Variants in VPS13A observed in about 807,000 individuals in gnomAD.
VPS13A encodes intermembrane lipid transfer protein VPS13A.
In VPS13A, 264 loss-of-function variants were observed where a neutral mutation model predicts 390.9. The ratio of observed to expected loss-of-function variants is 0.68; its 90% CI spans 0.61 to 0.75. The LOEUF (loss-of-function observed/expected upper bound fraction) is 0.75, where lower values mean the gene tolerates loss of function less well. VPS13A is among the 30% of genes least tolerant of loss of function. The probability of loss-of-function intolerance (pLI) is 0.00; values close to 1 mark genes in which losing one functional copy is unlikely to be tolerated. For missense variants in VPS13A, 3,409 were observed against 3,733.9 expected (o/e 0.91, Z 2.27); for synonymous variants, 1,231 against 1,227.1 (o/e 1.00, Z -0.07).
intron 22 of VPS13A, 121 bp from the exon 23 acceptor site, chr9:77,259,965 A>G: frequency 2.8e-6 from 2 of 723,912 alleles, no homozygotes. Flanking sequence ...AAATTGGAAT[A>G]GAGATTTTTA....
chr9:77,324,380 T>C (rs1017881592), intron 45 of VPS13A, among the ~76,000 whole-genome samples: 1 of 152,192 alleles, frequency 6.6e-6, no homozygotes, highest in Non-Finnish European at 1.5e-5. Flanking sequence ...ACATGATTTG[T>C]GTTGTTTTGT....
intron 68 of VPS13A, among the ~76,000 whole-genome samples, chr9:77,399,497 G>A (rs930943138): frequency 4.6e-5 from 7 of 151,446 alleles, no homozygotes; most frequent in Non-Finnish European, 1.0e-4. Flanking sequence ...ATAAAAGTTA[G>A]GTACTTGGAA....
intron 34 of VPS13A, among the ~76,000 whole-genome samples, chr9:77,304,940 TTC>T (rs1828631345): frequency 6.7e-6 from 1 of 149,610 alleles, no homozygotes; most frequent in Non-Finnish European, 1.5e-5. Context: ...CAGACTTTTT[TTC>T]TTTTTTTTTT....
intron 5 of VPS13A, among the ~76,000 whole-genome samples, chr9:77,208,329 G>A (rs1418321212): frequency 6.6e-6 from 1 of 151,918 alleles, no homozygotes; most frequent in African/African-American, 2.4e-5. Flanking sequence ...AGGCCTCCTG[G>A]GCCAGCTGAA....
chr9:77,287,790 G>A (rs1827418904), intron 31 of VPS13A, among the ~76,000 whole-genome samples: 1 of 152,170 alleles, frequency 6.6e-6, no homozygotes, highest in African/African-American at 2.4e-5. Context: ...GAAGGTGCTT[G>A]CTATATTCTG....
intron 46 of VPS13A, among the ~76,000 whole-genome samples, chr9:77,333,242 T>C (rs1382515667): frequency 6.6e-6 from 1 of 152,166 alleles, no homozygotes. Context: ...TCTCTGTCCA[T>C]AGTAGAGAAA....
chr9:77,305,315 A>G (rs1009733104), intron 34 of VPS13A, among the ~76,000 whole-genome samples: 1 of 152,252 alleles, frequency 6.6e-6, no homozygotes, highest in African/African-American at 2.4e-5. Context: ...AGTGTGTAAG[A>G]TAATAATGGC....
At chr9:77,337,932 T>C (rs1019588494) in intron 47 of VPS13A, 1 of 163,068 alleles carries the variant, frequency 6.1e-6, no homozygotes, top group African/African-American at 2.4e-5. Flanking sequence ...TTCTTCATTG[T>C]CATCTATTAT....
rs1393732998 is a variant in VPS13A at position 77,418,123 on chromosome 9, T to C, written c.*2117T>C. The stretch of plus-strand genomic sequence containing the variant: ...TTTTTGTTTGATTCTGTAGCCCATT[T>C]TTCTTGAAGGTTAGAATAAGAATCT... On this transcript the variant is annotated 3_prime_UTR_variant, in exon 72 of 72. Coordinates refer to ENST00000360280, the MANE Select transcript of VPS13A (RefSeq NM_033305.3). 1 of 152,220 alleles carries C rather than the reference T, an allele frequency of 6.6e-6. No homozygotes were observed. Among genetic ancestry groups the C allele is most frequent in the African/African-American group, 2.4e-5 (1 of 41,458 alleles). 9.4% of individuals were successfully genotyped at this position (152,220 alleles called of 1,614,324 possible).
At chr9:77,257,931 CTT>C (rs1298519856) in intron 22 of VPS13A, among the ~76,000 whole-genome samples, 3 of 152,042 alleles carry the variant, frequency 2.0e-5, no homozygotes, top group African/African-American at 7.2e-5. Context: ...TGTCTTTTAA[CTT>C]ATGTAGAAAA....
At chr9:77,377,355 G>T (rs1833157116) in intron 67 of VPS13A, among the ~76,000 whole-genome samples, 1 of 151,546 alleles carries the variant, frequency 6.6e-6, no homozygotes. Flanking sequence ...AAGTAGCTGG[G>T]ACTACAGGCG....
At chr9:77,258,147 T>C (rs1825554530) in intron 22 of VPS13A, among the ~76,000 whole-genome samples, 1 of 152,190 alleles carries the variant, frequency 6.6e-6, no homozygotes, top group African/African-American at 2.4e-5. Flanking sequence ...TCATTTAACT[T>C]CTTCCTTGTA....
intron 53 of VPS13A, among the ~76,000 whole-genome samples, chr9:77,352,916 A>C (rs1241800919): frequency 6.6e-6 from 1 of 152,102 alleles, no homozygotes; most frequent in Non-Finnish European, 1.5e-5. Flanking sequence ...CCCTGATATC[A>C]GCACATTTAT....
intron 52 of VPS13A, among the ~76,000 whole-genome samples, chr9:77,348,914 G>A (rs1831310084): frequency 6.6e-6 from 1 of 151,850 alleles, no homozygotes; most frequent in Admixed American, 6.6e-5. Flanking sequence ...TGAATTAAGA[G>A]CATTTTTAAA....
chr9:77,405,837 A>C, intron 69 of VPS13A, 27 bp from the exon 70 acceptor site: 1 of 1,611,588 alleles, frequency 6.2e-7, no homozygotes, highest in East Asian at 2.2e-5. Context: ...TTTAAAGCGA[A>C]TTCTTTTTTT....
At chr9:77,181,532 A>G (rs576972124) in intron 1 of VPS13A, among the ~76,000 whole-genome samples, 3 of 151,750 alleles carry the variant, frequency 2.0e-5, no homozygotes, top group Non-Finnish European at 2.9e-5. Flanking sequence ...AAAAAAAAAA[A>G]AAAAGAAACT....
At position 77,357,808 on chromosome 9, in the gene VPS13A, A is replaced by T; in HGVS notation, c.7923A>T (p.Ser2641=). The change falls in exon 56 of 72, where the codon TCA becomes TCT. Residue 2641 remains serine (S), a synonymous_variant. Transcript: ENST00000360280. ...KVEYNTSAHQ[S]SFRIQIYRIQ... ...AATATAACACATCTGCACATCAATC[A>T]TCATTTAGAATTCAGATTTACAGAA... is the stretch of plus-strand genomic sequence containing the variant. The T allele has an allele frequency of 6.2e-7, 1 of 1,613,758 alleles. No homozygotes were observed. Among genetic ancestry groups the T allele is most frequent in the Non-Finnish European group, 8.5e-7 (1 of 1,179,854 alleles).
At chr9:77,370,822 ATCCAAACTTGGTTCT>A in intron 65 of VPS13A, 53 bp from the exon 66 acceptor site, 1 of 1,598,248 alleles carries the variant, frequency 6.3e-7, no homozygotes, top group Non-Finnish European at 8.6e-7. Flanking sequence ...TTTTTGTGTA[ATCCAAACTTGGTTCT>A]TCTAGGCATC....
intron 46 of VPS13A, among the ~76,000 whole-genome samples, 193 bp downstream of exon 46, chr9:77,332,306 A>G (rs994706347): frequency 2.0e-5 from 3 of 152,002 alleles, no homozygotes; most frequent in African/African-American, 7.2e-5. Flanking sequence ...AGCACACTAT[A>G]TATGCTTTTC....
Sources: gnomAD v4.1 joint callset for allele counts (sites outside exome capture counted in the v4.1 genomes callset) on GRCh38, gnomAD v4.1.1 for gene constraint, MANE v1.5 for transcripts, NCBI Gene and HGNC (gene_info 2026-07-23, HGNC 2026-07-21) for gene names.